Variants in TENM2 observed in about 807,000 individuals in gnomAD.
TENM2 encodes teneurin transmembrane protein 2.
TENM2 carries 52 observed loss-of-function variants against 245.2 expected under a neutral mutation model. That is an observed-to-expected ratio of 0.21 (90% CI 0.17 to 0.27). TENM2 has a LOEUF of 0.27. Ranked by LOEUF, TENM2 falls within the 10% of genes least tolerant of loss-of-function variation. The pLI, the probability that TENM2 is intolerant of heterozygous loss-of-function variation, is 1.00. For synonymous variants in TENM2, 1,363 were observed against 1,438.9 expected, an observed-to-expected ratio of 0.95 and a Z score of 1.19; for missense variants, 3,046 against 3,666.8, an observed-to-expected ratio of 0.83 and a Z score of 4.37.
At chr5:167,114,106 C>G in the TENM2 span, among the ~76,000 whole-genome samples, 1 of 152,094 alleles carries the variant, frequency 6.6e-6, no homozygotes. Context: ...AGTCAACCAC[C>G]AAAAAGAGCC....
At chr5:167,688,241 C>G (rs1757204893) in intron 2 of TENM2, among the ~76,000 whole-genome samples, 1 of 152,172 alleles carries the variant, frequency 6.6e-6, no homozygotes, top group South Asian at 2.1e-4. Context: ...TTTGAAACAG[C>G]AATGGCGTGG....
At chr5:167,769,034 T>A (rs1763226947) in intron 2 of TENM2, among the ~76,000 whole-genome samples, 1 of 152,186 alleles carries the variant, frequency 6.6e-6, no homozygotes, top group Non-Finnish European at 1.5e-5. Context: ...AGTTGTTCAG[T>A]TGATGTTGAA....
chr5:167,342,996 C>CATTTATTTACCTATTTAATT (rs1446729234), intron 1 of TENM2, among the ~76,000 whole-genome samples: 4 of 151,888 alleles, frequency 2.6e-5, no homozygotes, highest in Non-Finnish European at 5.9e-5. Context: ...TCTTCTCCTC[C>CATTTATTTACCTATTTAATT]ATTTATTTAC....
chr5:166,980,570 GT>G, the TENM2 span, among the ~76,000 whole-genome samples: 1 of 151,950 alleles, frequency 6.6e-6, no homozygotes, highest in Admixed American at 6.6e-5. Context: ...TGTTTTATTT[GT>G]TTTGCTTTTT....
At position 167,637,138 on chromosome 5, in the gene TENM2, C is replaced by T. The variant is rs967220890; in HGVS notation, c.503-238848C>T. Among the ~76,000 whole-genome samples the T allele has an allele frequency of 3.3e-5, 5 of 152,292 alleles. No homozygotes were observed. The South Asian group carries it at 1.0e-3, about 32-fold the overall frequency. On this transcript the variant is annotated intron_variant, in intron 2 of 28. Transcript: ENST00000518659. The stretch of plus-strand genomic sequence containing the variant: ...AAATGAACTGATAATATGCAAAGAA[C>T]TTAGAACAGCACTTGACACTAAGAA...
intron 23 of TENM2, among the ~76,000 whole-genome samples, chr5:168,220,742 A>AC (rs1363134417): frequency 6.6e-6 from 1 of 152,200 alleles, no homozygotes; most frequent in Non-Finnish European, 1.5e-5. Flanking sequence ...GTCAAGACCA[A>AC]CACTGCATAG....
At chr5:167,154,139 A>G in the TENM2 span, among the ~76,000 whole-genome samples, 1 of 152,228 alleles carries the variant, frequency 6.6e-6, no homozygotes, top group Admixed American at 6.5e-5. Context: ...CAATTGTTCT[A>G]AAGCTAAATG....
At chr5:167,336,721 A>G (rs1235130557) in intron 1 of TENM2, among the ~76,000 whole-genome samples, 2 of 151,940 alleles carry the variant, frequency 1.3e-5, no homozygotes, top group Admixed American at 6.6e-5. Context: ...AAAATCCCAA[A>G]CTTTTTGAGT....
At chr5:168,106,582 C>A (rs1327353238) in intron 9 of TENM2, among the ~76,000 whole-genome samples, 1 of 152,208 alleles carries the variant, frequency 6.6e-6, no homozygotes, top group African/African-American at 2.4e-5. Context: ...GGCAGTCTGG[C>A]CTGGACTTTC....
Position 167,323,278 on chromosome 5 carries a change from G to C in TENM2, c.226+38215G>C, listed in dbSNP as rs77564229. 7.8e-3 allele frequency among the ~76,000 whole-genome samples: 1,183 copies of C among 152,250 alleles called. 16 individuals are homozygous for C. The highest frequency in any genetic ancestry group is 0.027 in the African/African-American group (1,130 of 41,540). On this transcript the variant is annotated intron_variant, in intron 1 of 28. Transcript: ENST00000518659. The stretch of plus-strand genomic sequence containing the variant: ...TGATTTAGAGCAGTGAATTGGTTTG[G>C]CATGGCTAAATGGATAGTAGGCGGC...
the TENM2 span, among the ~76,000 whole-genome samples, chr5:167,134,488 A>G: frequency 6.6e-6 from 1 of 152,206 alleles, no homozygotes; most frequent in Non-Finnish European, 1.5e-5. Flanking sequence ...GTTACAACAT[A>G]CACTCGTTAC....
the TENM2 span, among the ~76,000 whole-genome samples, chr5:167,140,061 C>T: frequency 6.6e-6 from 1 of 152,108 alleles, no homozygotes; most frequent in Non-Finnish European, 1.5e-5. Context: ...TCAACTAAAA[C>T]GTGGCAAAAT....
At chr5:166,990,226 C>T in the TENM2 span, among the ~76,000 whole-genome samples, 23 of 152,088 alleles carry the variant, frequency 1.5e-4, no homozygotes, top group Non-Finnish European at 1.5e-5. Context: ...ACTGAAGTGC[C>T]GGGCCCAACC....
chr5:167,376,959 A>T (rs1760787781), intron 2 of TENM2, among the ~76,000 whole-genome samples: 1 of 152,198 alleles, frequency 6.6e-6, no homozygotes, highest in African/African-American at 2.4e-5. Flanking sequence ...TAAACAAGGA[A>T]TTTTAGCAAG....
At chr5:168,126,678 C>A in intron 11 of TENM2, 76 bp from the exon 14 acceptor site, 1 of 1,267,970 alleles carries the variant, frequency 7.9e-7, no homozygotes, top group Non-Finnish European at 1.1e-6. Flanking sequence ...GGGGTCTGGG[C>A]CATGTGCGTG....
the TENM2 span, among the ~76,000 whole-genome samples, chr5:167,099,917 C>T: frequency 6.6e-6 from 1 of 152,234 alleles, no homozygotes; most frequent in Admixed American, 6.5e-5. Flanking sequence ...GCAATGTGGA[C>T]CAGCTCAGGG....
chr5:167,590,869 C>T (rs1395323281), intron 2 of TENM2, among the ~76,000 whole-genome samples: 2 of 152,134 alleles, frequency 1.3e-5, no homozygotes, highest in Non-Finnish European at 2.9e-5. Flanking sequence ...TATGTATTTG[C>T]ATACAATGAT....
intron 3 of TENM2, among the ~76,000 whole-genome samples, chr5:167,879,541 G>T (rs1773703907): frequency 6.6e-6 from 1 of 152,150 alleles, no homozygotes; most frequent in Non-Finnish European, 1.5e-5. Flanking sequence ...CCCTGCAGAT[G>T]GAAGAATGAG....
intron 2 of TENM2, among the ~76,000 whole-genome samples, chr5:167,854,355 G>A (rs1053051147): frequency 6.6e-6 from 1 of 152,172 alleles, no homozygotes; most frequent in African/African-American, 2.4e-5. Context: ...GGGAAAAAAA[G>A]GCTTATTTTT....
Sources: gnomAD v4.1 joint callset for allele counts (sites outside exome capture counted in the v4.1 genomes callset) on GRCh38, gnomAD v4.1.1 for gene constraint, MANE v1.5 for transcripts, NCBI Gene and HGNC (gene_info 2026-07-23, HGNC 2026-07-21) for gene names.